Variants in CUL3 observed in about 807,000 individuals in gnomAD.
CUL3 encodes cullin 3.
In CUL3, 19 loss-of-function variants were observed where a neutral mutation model predicts 89.1. That is an observed-to-expected ratio of 0.21 (90% CI 0.15 to 0.31). The LOEUF (loss-of-function observed/expected upper bound fraction) is 0.31. Ranked by LOEUF, CUL3 falls within the 10% of genes least tolerant of loss-of-function variation. The pLI, the probability that CUL3 is intolerant of heterozygous loss-of-function variation, is 1.00. For synonymous variants in CUL3, 351 were observed against 308.4 expected, an observed-to-expected ratio of 1.14 and a Z score of -1.45; for missense variants, 469 against 942.3, an observed-to-expected ratio of 0.50 and a Z score of 6.58.
At chr2:224,519,875 G>A (rs931856595) in intron 3 of CUL3, among the ~76,000 whole-genome samples, 5 of 151,274 alleles carry the variant, frequency 3.3e-5, no homozygotes, top group Non-Finnish European at 4.4e-5. Flanking sequence ...TCCCAGCTCC[G>A]GTTACCTCTA....
Position 224,482,087 on chromosome 2 carries a change from T to G in CUL3, c.1843-9A>C, listed in dbSNP as rs112387056. ...GTCTCTTGCTGAATTTCCTGAAATT[T>G]CATCAGATTAACATAATTAGACTTT... is the stretch of plus-strand genomic sequence containing the variant. On this transcript the variant is annotated splice_polypyrimidine_tract_variant and intron_variant, in intron 13 of 15. Transcript: ENST00000264414. 339 of 1,587,076 alleles carry G rather than the reference T, an allele frequency of 2.1e-4. 1 individual carries two copies. The African/African-American group carries it at 3.4e-3, about 16-fold the overall frequency.
At chr2:224,533,616 T>C (rs1693774759) in intron 3 of CUL3, among the ~76,000 whole-genome samples, 1 of 152,238 alleles carries the variant, frequency 6.6e-6, no homozygotes, top group African/African-American at 2.4e-5. Flanking sequence ...ATCTTAATGT[T>C]AGATAGTTAG....
chr2:224,519,130 C>T (rs760858585), intron 3 of CUL3, among the ~76,000 whole-genome samples: 1 of 152,198 alleles, frequency 6.6e-6, no homozygotes, highest in Non-Finnish European at 1.5e-5. Context: ...CATGATGCCA[C>T]AAGTAAATTC....
chr2:224,584,325 A>G (rs992354290), intron 1 of CUL3, among the ~76,000 whole-genome samples: 17 of 152,084 alleles, frequency 1.1e-4, no homozygotes, highest in African/African-American at 3.9e-4. Flanking sequence ...AATCCTGCAC[A>G]AGAGTTTGTA....
At chr2:224,540,717 C>A (rs1694072126) in intron 2 of CUL3, among the ~76,000 whole-genome samples, 1 of 152,138 alleles carries the variant, frequency 6.6e-6, no homozygotes, top group Non-Finnish European at 1.5e-5. Flanking sequence ...CACACAGGAT[C>A]CACGTGCAGA....
intron 3 of CUL3, among the ~76,000 whole-genome samples, chr2:224,523,720 G>A (rs776096853): frequency 9.2e-5 from 14 of 152,112 alleles, no homozygotes; most frequent in Admixed American, 3.3e-4. Context: ...CATAGAATGC[G>A]GTATTATGCA....
chr2:224,506,584 C>T (rs1692610956), intron 7 of CUL3, among the ~76,000 whole-genome samples: 1 of 152,124 alleles, frequency 6.6e-6, no homozygotes, highest in Non-Finnish European at 1.5e-5. Context: ...AACACTAAGG[C>T]ATACCAAAGA....
chr2:224,536,274 A>G (rs1693896092), intron 2 of CUL3, among the ~76,000 whole-genome samples: 2 of 152,194 alleles, frequency 1.3e-5, no homozygotes, highest in African/African-American at 2.4e-5. Flanking sequence ...TACTAAATAC[A>G]GCAACTGTGC....
intron 10 of CUL3, among the ~76,000 whole-genome samples, chr2:224,500,785 T>C (rs1692357821): frequency 6.6e-6 from 1 of 151,940 alleles, no homozygotes; most frequent in Non-Finnish European, 1.5e-5. Context: ...CCACCACGCC[T>C]GGCTGATTTT....
rs1218275898 is a variant in CUL3 at position 224,511,748 on chromosome 2, T to C, written c.655-166A>G. On this transcript the variant is annotated intron_variant, in intron 5 of 15. Coordinates refer to ENST00000264414, the MANE Select transcript of CUL3 (RefSeq NM_003590.5). ...CGAAAGACTGATATAGTCTGAATTATATCCTTTAAAGCCTTTGGTATTTAC... is the reference window on the plus strand; with the variant it reads ...CGAAAGACTGATATAGTCTGAATTACATCCTTTAAAGCCTTTGGTATTTAC... Among the ~76,000 whole-genome samples the C allele has an allele frequency of 2.0e-5, 3 of 152,250 alleles. No homozygotes were observed. The East Asian group carries it at 5.8e-4, about 29-fold the overall frequency.
intron 2 of CUL3, among the ~76,000 whole-genome samples, chr2:224,541,272 G>C (rs1694093139): frequency 6.6e-6 from 1 of 151,072 alleles, no homozygotes; most frequent in African/African-American, 2.4e-5. Context: ...ATTTAAAAAT[G>C]AGCAAAAGAC....
intron 14 of CUL3, among the ~76,000 whole-genome samples, chr2:224,481,216 A>G (rs901928512): frequency 6.6e-6 from 1 of 152,078 alleles, no homozygotes; most frequent in Admixed American, 6.6e-5. Context: ...TGTAATGAAT[A>G]TATTAGTACT....
At chr2:224,491,008 AC>A (rs1250374846) in intron 13 of CUL3, among the ~76,000 whole-genome samples, 1 of 152,206 alleles carries the variant, frequency 6.6e-6, no homozygotes, top group Admixed American at 6.5e-5. Flanking sequence ...AATTAAAAAA[AC>A]GTGATATGGT....
At chr2:224,557,983 A>G (rs1026794000) in intron 1 of CUL3, 127 bp from the exon 2 acceptor site, 2 of 569,142 alleles carry the variant, frequency 3.5e-6, no homozygotes, top group Admixed American at 6.3e-5. Context: ...TAAATCTATG[A>G]CACATAAGAA....
intron 1 of CUL3, among the ~76,000 whole-genome samples, chr2:224,582,056 AC>A (rs1695454007): frequency 6.6e-6 from 1 of 151,966 alleles, no homozygotes; most frequent in Admixed American, 6.6e-5. Context: ...CCTCGGCCTT[AC>A]AGGTTCAAGC....
Position 224,474,082 on chromosome 2 carries a change from G to T in CUL3, c.*163C>A. On this transcript the variant is annotated 3_prime_UTR_variant, in exon 16 of 16. Coordinates refer to ENST00000264414, the MANE Select transcript of CUL3 (RefSeq NM_003590.5). ...AAAGCCTGAAGCTCAATCAACTGAT[G>T]TTGGAAACTCTCAAAGGGAGTAAAG... is the stretch of plus-strand genomic sequence containing the variant. 1 of 585,896 alleles carries T rather than the reference G, an allele frequency of 1.7e-6. No homozygotes were observed. Among genetic ancestry groups the T allele is most frequent in the Non-Finnish European group, 2.8e-6 (1 of 359,588 alleles). 36.3% of individuals were successfully genotyped at this position (585,896 alleles called of 1,614,324 possible).
At chr2:224,579,380 G>C (rs1397583068) in intron 1 of CUL3, among the ~76,000 whole-genome samples, 2 of 151,978 alleles carry the variant, frequency 1.3e-5, no homozygotes, top group East Asian at 1.9e-4. Context: ...TACCAGTCCA[G>C]GTAGTACTAT....
chr2:224,516,379 T>A (rs141434602), intron 3 of CUL3, among the ~76,000 whole-genome samples: 138 of 145,486 alleles, frequency 9.5e-4, no homozygotes, highest in African/African-American at 3.5e-3. Context: ...TGCAGTGGCG[T>A]GACCTTGGCT....
chr2:224,583,292 C>T (rs890481082), intron 1 of CUL3, among the ~76,000 whole-genome samples: 6 of 152,038 alleles, frequency 3.9e-5, no homozygotes, highest in Admixed American at 3.9e-4. Context: ...ACCCAGGAGG[C>T]GGAGGTTGCG....
Sources: gnomAD v4.1 joint callset for allele counts (sites outside exome capture counted in the v4.1 genomes callset) on GRCh38, gnomAD v4.1.1 for gene constraint, MANE v1.5 for transcripts, NCBI Gene and HGNC (gene_info 2026-07-23, HGNC 2026-07-21) for gene names.